Variants in DNAI1 observed in about 807,000 individuals in gnomAD.
DNAI1 encodes dynein, axonemal, intermediate polypeptide 1.
Under a neutral mutation model 92.0 loss-of-function variants are expected in DNAI1, and 67 were observed. The ratio of observed to expected loss-of-function variants is 0.73; its 90% CI spans 0.60 to 0.89. The LOEUF is 0.89. Among genes scored for constraint, DNAI1 ranks in the 40% least tolerant of loss-of-function variants. DNAI1 has a pLI of 0.00. For missense variants in DNAI1, 839 were observed against 866.6 expected, an observed-to-expected ratio of 0.97 and a Z score of 0.40; for synonymous variants, 323 against 319.6, an observed-to-expected ratio of 1.01 and a Z score of -0.11.
At chr9:34,474,694 G>T (rs1210541632) in intron 1 of DNAI1, among the ~76,000 whole-genome samples, 1 of 149,584 alleles carries the variant, frequency 6.7e-6, no homozygotes, top group East Asian at 2.0e-4. Context: ...TCAGCCTCCT[G>T]AGTAGCTGGG....
At chr9:34,508,700 C>G (rs573407527) in intron 13 of DNAI1, among the ~76,000 whole-genome samples, 1 of 152,246 alleles carries the variant, frequency 6.6e-6, no homozygotes, top group Admixed American at 6.5e-5. Context: ...CCACCCTACT[C>G]CTACTCTGCT....
intron 19 of DNAI1, among the ~76,000 whole-genome samples, chr9:34,518,595 A>G (rs1310627785): frequency 6.6e-6 from 1 of 152,240 alleles, no homozygotes; most frequent in African/African-American, 2.4e-5. Flanking sequence ...AGTTGGCCTC[A>G]AGGAGGAGGA....
At chr9:34,481,595 G>A (rs942534193) in intron 1 of DNAI1, among the ~76,000 whole-genome samples, 1 of 152,226 alleles carries the variant, frequency 6.6e-6, no homozygotes, top group African/African-American at 2.4e-5. Flanking sequence ...AAGGTGGTGC[G>A]TCTGGAGTCT....
At position 34,490,139 on chromosome 9, in the gene DNAI1, C is replaced by T. The variant is rs369759767; in HGVS notation, c.501+15C>T. ...CTGCAGCTGGGGTACAGTATAATAT[C>T]GCTCTGTGTCCCTCTTCTTCCAGCT... On this transcript the variant is annotated intron_variant, in intron 6 of 19. Coordinates refer to ENST00000242317, the MANE Select transcript of DNAI1 (RefSeq NM_012144.4). 54 of 1,613,498 alleles carry T rather than the reference C, an allele frequency of 3.3e-5. No individual in the cohort carries two copies. The African/African-American group carries it at 5.9e-4, about 18-fold the overall frequency.
intron 4 of DNAI1, 27 bp from the exon 5 acceptor site, chr9:34,489,296 G>T: frequency 1.2e-6 from 2 of 1,613,400 alleles, no homozygotes; most frequent in East Asian, 4.5e-5. Context: ...AGGGATCCCT[G>T]GTCTGACTCA....
chr9:34,509,183 G>A (rs991065061), intron 13 of DNAI1, among the ~76,000 whole-genome samples: 1 of 152,144 alleles, frequency 6.6e-6, no homozygotes, highest in Non-Finnish European at 1.5e-5. Context: ...CCAGGGGGTG[G>A]AGGGCTGGGC....
At position 34,500,720 on chromosome 9, in the gene DNAI1, A is replaced by G. The variant is rs2132071947; in HGVS notation, c.902-2A>G. On this transcript the variant is annotated splice_acceptor_variant, in intron 10 of 19. Transcript: ENST00000242317. LOFTEE classifies it high-confidence loss of function. ...GGCTGACTCTGCCTGTGTGTGTTTA[A>G]GATTTTAAGTACTATGACGATGCTG... The G allele has an allele frequency of 3.1e-6, 5 of 1,611,826 alleles. No individual in the cohort carries two copies. The highest frequency in any genetic ancestry group is 4.2e-6 in the Non-Finnish European group (5 of 1,178,218).
rs760014707 is a variant in DNAI1, at chr9:34,485,484, C to T, written c.228C>T (p.His76=). The part of the protein sequence containing the change: ...FTRILTANNP[H]APQNIVRYSF... ...GGATTTTGACAGCCAACAACCCACACGCACCCCAGAACATTGTCAGGTACA... is the reference window on the plus strand; with the variant it reads ...GGATTTTGACAGCCAACAACCCACATGCACCCCAGAACATTGTCAGGTACA... Residue 76 remains histidine, a synonymous_variant, in exon 4 of 20, where the codon CAC becomes CAT. Transcript: ENST00000242317. 35 of 1,614,030 alleles carry T rather than the reference C, an allele frequency of 2.2e-5. No individual in the cohort carries two copies. In the South Asian group the frequency reaches 2.3e-4, roughly 11 times the overall value.
intron 9 of DNAI1, 134 bp downstream of exon 9, chr9:34,493,462 G>T: frequency 7.8e-7 from 1 of 1,278,590 alleles, no homozygotes; most frequent in Admixed American, 1.9e-5. Context: ...GATATAAATA[G>T]TTCTTTCCTT....
intron 13 of DNAI1, among the ~76,000 whole-genome samples, chr9:34,509,611 G>A (rs1564040549): frequency 6.6e-6 from 1 of 152,132 alleles, no homozygotes; most frequent in Non-Finnish European, 1.5e-5. Context: ...GAGTAACACA[G>A]TCATGTTTGT....
chr9:34,492,493 G>GAGAGAGATATATATATATATAT, intron 8 of DNAI1, among the ~76,000 whole-genome samples: 1 of 68,258 alleles, frequency 1.5e-5, no homozygotes, highest in South Asian at 4.5e-4. Context: ...GGGATATGAA[G>GAGAGAGATATATATATATATAT]ATATATATAT....
intron 1 of DNAI1, among the ~76,000 whole-genome samples, chr9:34,462,604 T>A (rs1241217295): frequency 6.6e-6 from 1 of 152,190 alleles, no homozygotes; most frequent in Non-Finnish European, 1.5e-5. Flanking sequence ...GAAATTATCA[T>A]CTGAATGTGT....
intron 1 of DNAI1, chr9:34,478,746 G>C (rs1824284731): frequency 6.6e-6 from 1 of 152,210 alleles, no homozygotes. Context: ...ATCTTCCCTT[G>C]GCCAAATAGA....
Position 34,490,424 on chromosome 9 carries a change from GAA to G in DNAI1, c.559_560del (p.Lys187AlafsTer3). 6.2e-7 allele frequency: 1 copy of G among 1,614,228 alleles called. No homozygotes were observed. The highest frequency in any genetic ancestry group is 8.5e-7 in the Non-Finnish European group (1 of 1,180,042). ...ATGACTCCTAAGCAGCCCAAGGAGA[GAA>G]AGCTCACTAACCAGTTCAACTTCAG... On this transcript the variant is annotated frameshift_variant, in exon 7 of 20. Transcript: ENST00000242317. LOFTEE classifies it high-confidence loss of function.
At chr9:34,506,594 C>A (rs761359789) in intron 12 of DNAI1, 33 bp from the exon 13 acceptor site, 1 of 1,613,702 alleles carries the variant, frequency 6.2e-7, no homozygotes, top group Non-Finnish European at 8.5e-7. Flanking sequence ...CAGTTGGATC[C>A]TCCAACCTCA....
intron 1 of DNAI1, among the ~76,000 whole-genome samples, chr9:34,481,990 G>C (rs554481614): frequency 6.6e-6 from 1 of 152,188 alleles, no homozygotes; most frequent in East Asian, 1.9e-4. Flanking sequence ...GTAGAGCCGA[G>C]TGGCCTGTTT....
In DNAI1 at chr9:34,489,706, G is replaced by A. The variant is rs751970424; in HGVS notation, c.388+257G>A. On this transcript the variant is annotated intron_variant, in intron 5 of 19. Transcript: ENST00000242317. Reference sequence around the variant, plus strand: ...CTACTAAAAATACAAAAAATTAGCCGGGCGTGGTGGCACTTACCTGTAGTC... The same window carrying A: ...CTACTAAAAATACAAAAAATTAGCCAGGCGTGGTGGCACTTACCTGTAGTC... Among the ~76,000 whole-genome samples the A allele has an allele frequency of 6.2e-4, 94 of 152,180 alleles. 1 individual carries two copies. The highest frequency in any genetic ancestry group is 4.1e-4 in the South Asian group (2 of 4,824).
At chr9:34,508,363 G>C (rs1754887575) in intron 13 of DNAI1, among the ~76,000 whole-genome samples, 1 of 152,172 alleles carries the variant, frequency 6.6e-6, no homozygotes, top group Non-Finnish European at 1.5e-5. Flanking sequence ...GAGGGAGGCA[G>C]CCCCTCCTGC....
At chr9:34,465,313 T>C (rs1391053151) in intron 1 of DNAI1, among the ~76,000 whole-genome samples, 1 of 152,156 alleles carries the variant, frequency 6.6e-6, no homozygotes, top group Non-Finnish European at 1.5e-5. Context: ...GCCAAGTCTC[T>C]GAGGAGATGA....
Sources: gnomAD v4.1 joint callset for allele counts (sites outside exome capture counted in the v4.1 genomes callset) on GRCh38, gnomAD v4.1.1 for gene constraint, MANE v1.5 for transcripts, NCBI Gene and HGNC (gene_info 2026-07-23, HGNC 2026-07-21) for gene names.